NRXN1: variants seen among roughly 807,000 people sequenced by gnomAD.
NRXN1 encodes the protein neurexin-1.
Under a neutral mutation model 150.9 loss-of-function variants are expected in NRXN1, and 39 were observed. The observed-to-expected ratio is 0.26, with a 90% CI of 0.20 to 0.34. The LOEUF (loss-of-function observed/expected upper bound fraction) is 0.34. Ranked by LOEUF, NRXN1 falls within the 10% of genes least tolerant of loss-of-function variation. The pLI, the probability that NRXN1 is intolerant of heterozygous loss-of-function variation, is 1.00. For synonymous variants in NRXN1, 924 were observed against 757.0 expected (o/e 1.22, Z -3.62); for missense variants, 1,815 against 1,949.9 (o/e 0.93, Z 1.30).
At chr2:50,054,039 C>G (rs1693210202) in intron 20 of NRXN1, among the ~76,000 whole-genome samples, 1 of 152,120 alleles carries the variant, frequency 6.6e-6, no homozygotes, top group Admixed American at 6.6e-5. Context: ...TCATAATTCA[C>G]ATAATGTCCA....
intron 2 of NRXN1, among the ~76,000 whole-genome samples, chr2:50,990,679 G>C (rs1698412295): frequency 6.6e-6 from 1 of 151,728 alleles, no homozygotes; most frequent in African/African-American, 2.4e-5. Context: ...ATTCATCCTC[G>C]AGTCCTATTA....
Position 50,472,829 on chromosome 2 carries a change from GTATA to G in NRXN1, c.3071-362_3071-359del, listed in dbSNP as rs375129044. Among the ~76,000 whole-genome samples the G allele has an allele frequency of 1.8e-3, 142 of 79,804 alleles. 1 individual carries two copies. Among genetic ancestry groups the G allele is most frequent in the African/African-American group, 4.4e-3 (128 of 28,800 alleles). 52.4% of individuals were successfully genotyped at this position (79,804 alleles called of 152,430 possible). A position where few individuals can be genotyped will look rare whatever the true frequency, so the allele number is the denominator to read the frequency against. On this transcript the variant is annotated intron_variant, in intron 15 of 22. Transcript: ENST00000401669. ...TGTGTGTGTGTGTGTGTGTGTGTGT[GTATA>G]TATATATATAAGTTTCTCTGATTAT...
intron 5 of NRXN1, among the ~76,000 whole-genome samples, chr2:50,684,331 C>T (rs377286513): frequency 2.0e-5 from 3 of 151,824 alleles, no homozygotes; most frequent in South Asian, 2.1e-4. Flanking sequence ...GTTGAAACCC[C>T]GTCACTACAA....
chr2:50,812,723 AGTGT>A (rs143701404), intron 5 of NRXN1, among the ~76,000 whole-genome samples: 8 of 146,052 alleles, frequency 5.5e-5, no homozygotes, highest in Admixed American at 2.1e-4. Flanking sequence ...AAATAATAAG[AGTGT>A]GTGTGTGTGT....
intron 17 of NRXN1, among the ~76,000 whole-genome samples, chr2:50,465,167 G>C (rs1170269764): frequency 6.6e-6 from 1 of 151,582 alleles, no homozygotes; most frequent in Non-Finnish European, 1.5e-5. Context: ...GTCATATATT[G>C]GAAATGAAAA....
chr2:50,823,390 G>T (rs546277533), intron 5 of NRXN1, among the ~76,000 whole-genome samples: 15 of 152,076 alleles, frequency 9.9e-5, no homozygotes, highest in African/African-American at 3.6e-4. Flanking sequence ...ATAATAAAAA[G>T]TAACAATACC....
At chr2:50,653,805 G>A (rs1402178322) in intron 5 of NRXN1, among the ~76,000 whole-genome samples, 1 of 151,860 alleles carries the variant, frequency 6.6e-6, no homozygotes, top group Non-Finnish European at 1.5e-5. Flanking sequence ...GGACAGTGTA[G>A]GATTCACTAA....
intron 18 of NRXN1, among the ~76,000 whole-genome samples, chr2:50,126,067 T>C (rs1362281270): frequency 6.6e-6 from 1 of 152,246 alleles, no homozygotes; most frequent in African/African-American, 2.4e-5. Context: ...ATTACAGTCT[T>C]AGAAATAAAA....
At chr2:50,257,274 T>C (rs1574782831) in intron 17 of NRXN1, among the ~76,000 whole-genome samples, 2 of 152,162 alleles carry the variant, frequency 1.3e-5, no homozygotes, top group South Asian at 4.2e-4. Flanking sequence ...CCCTGAATAA[T>C]TCTATGGGAG....
At chr2:50,007,937 A>T (rs944563456) in intron 21 of NRXN1, among the ~76,000 whole-genome samples, 2 of 152,126 alleles carry the variant, frequency 1.3e-5, no homozygotes, top group Non-Finnish European at 2.9e-5. Context: ...TCTAACTCCC[A>T]ATGCTGTCTA....
At chr2:50,981,457 C>CAAAAAAAAAAAAAAAAAAAAA (rs70958635) in intron 2 of NRXN1, among the ~76,000 whole-genome samples, 2 of 23,270 alleles carry the variant, frequency 8.6e-5, no homozygotes, top group African/African-American at 1.8e-4. Context: ...AACTCTATCT[C>CAAAAAAAAAAAAAAAAAAAAA]AAAAAAAAAA....
rs535949911 is a variant in NRXN1, at chr2:50,465,361, A to G, written c.3364+81T>C. 1.5e-5 allele frequency: 21 copies of G among 1,366,534 alleles called. No homozygotes were observed. In the African/African-American group the frequency reaches 3.0e-4, roughly 20 times the overall value. 84.7% of individuals were successfully genotyped at this position (1,366,534 alleles called of 1,614,324 possible). A position where few individuals can be genotyped will look rare whatever the true frequency, so the allele number is the denominator to read the frequency against. On this transcript the variant is annotated intron_variant, in intron 17 of 22. Transcript: ENST00000401669. Reference sequence around the variant, plus strand: ...CGACTGACTCAGAGTTAATATAAGGACTTTCAGTGTTAGACTTTAGATATC... The same window carrying G: ...CGACTGACTCAGAGTTAATATAAGGGCTTTCAGTGTTAGACTTTAGATATC...
At chr2:50,241,530 T>C (rs1322148696) in intron 17 of NRXN1, among the ~76,000 whole-genome samples, 3 of 151,802 alleles carry the variant, frequency 2.0e-5, no homozygotes, top group African/African-American at 7.2e-5. Flanking sequence ...ATGACTGAAA[T>C]TTAAAGTGGT....
intron 8 of NRXN1, among the ~76,000 whole-genome samples, chr2:50,590,496 T>C (rs1673985647): frequency 6.6e-6 from 1 of 152,150 alleles, no homozygotes; most frequent in African/African-American, 2.4e-5. Flanking sequence ...GAGAATGTAT[T>C]GCATTCCCCT....
At chr2:49,969,222 C>T (rs1289210508) in intron 21 of NRXN1, among the ~76,000 whole-genome samples, 2 of 151,838 alleles carry the variant, frequency 1.3e-5, no homozygotes, top group South Asian at 2.1e-4. Context: ...TGTTGTAGTC[C>T]CACTACAAAT....
intron 17 of NRXN1, among the ~76,000 whole-genome samples, chr2:50,396,017 T>A (rs1196803929): frequency 1.3e-5 from 2 of 152,170 alleles, no homozygotes; most frequent in African/African-American, 2.4e-5. Flanking sequence ...CAGTAGATTA[T>A]TGAAAAGTTA....
At chr2:50,504,729 T>G (rs2092132823) in intron 13 of NRXN1, among the ~76,000 whole-genome samples, 1 of 152,202 alleles carries the variant, frequency 6.6e-6, no homozygotes. Context: ...TCAGTTTAAG[T>G]GCAGTGACTT....
At chr2:50,787,908 A>C (rs894479201) in intron 5 of NRXN1, among the ~76,000 whole-genome samples, 5 of 152,040 alleles carry the variant, frequency 3.3e-5, no homozygotes, top group African/African-American at 1.2e-4. Context: ...ACCACTTCTC[A>C]GCATGTCATA....
At chr2:50,057,538 T>C (rs79445727) in intron 19 of NRXN1, among the ~76,000 whole-genome samples, 1 of 152,180 alleles carries the variant, frequency 6.6e-6, no homozygotes, top group Admixed American at 6.6e-5. Flanking sequence ...AATTTGATAG[T>C]TTGCCTTCAA....
Sources: allele counts gnomAD v4.1 joint callset (sites outside exome capture counted in the v4.1 genomes callset), GRCh38; gene constraint gnomAD v4.1.1; transcripts MANE v1.5; gene names NCBI Gene and HGNC (gene_info 2026-07-23, HGNC 2026-07-21).